Variants in B9D2 observed in about 807,000 individuals in gnomAD.
B9D2 encodes B9 domain-containing protein 2.
B9D2 carries 21 observed loss-of-function variants against 19.2 expected under a neutral mutation model. The observed-to-expected ratio is 1.09, with a 90% CI of 0.78 to 1.58. The LOEUF (loss-of-function observed/expected upper bound fraction) is 1.58, where lower values mean the gene tolerates loss of function less well. Among genes scored for constraint, B9D2 ranks in the 40% most tolerant of loss-of-function variants. B9D2 has a pLI of 0.00. For missense variants in B9D2, 221 were observed against 244.3 expected, an observed-to-expected ratio of 0.90 and a Z score of 0.64; for synonymous variants, 91 against 100.6, an observed-to-expected ratio of 0.90 and a Z score of 0.57.
chr19:41,357,792 G>A (rs1050943988), intron 3 of B9D2, 105 bp downstream of exon 3: 6 of 1,520,454 alleles, frequency 3.9e-6, no homozygotes, highest in Non-Finnish European at 5.4e-6. Flanking sequence ...GGACCTACGT[G>A]GTATGGGGAG....
chr19:41,358,018 C>A lies in B9D2; in HGVS notation c.93G>T (p.Ala31=), dbSNP rs142424836. The change falls in exon 3 of 4, where the codon GCG becomes GCT. Residue 31 remains alanine (A), a synonymous_variant. Transcript: ENST00000243578. ...LFCKWGIHTG[A]AWKLLSGVRE... is the part of the protein sequence containing the mutation. ...GCACGCCTGACAGGAGCTTCCATGC[C>A]GCCCCTGCAGTGAGAGCCGGGACAT... is the stretch of plus-strand genomic sequence containing the variant. 3 of 1,614,060 alleles carry A rather than the reference C, an allele frequency of 1.9e-6. No homozygotes were observed. The South Asian group carries it at 3.3e-5, about 18-fold the overall frequency.
intron 2 of B9D2, among the ~76,000 whole-genome samples, chr19:41,359,052 C>T (rs992922264): frequency 5.3e-5 from 8 of 151,546 alleles, no homozygotes; most frequent in African/African-American, 1.5e-4. Context: ...GGCTGAGGCA[C>T]GAGAATCGCT....
intron 3 of B9D2, among the ~76,000 whole-genome samples, chr19:41,356,114 T>C (rs2038309707): frequency 1.3e-5 from 2 of 152,090 alleles, no homozygotes; most frequent in African/African-American, 4.8e-5. Flanking sequence ...TGATGCATGC[T>C]AAGACTATGG....
intron 3 of B9D2, 88 bp from the exon 4 acceptor site, chr19:41,355,101 C>T (rs2038291173): frequency 7.7e-7 from 1 of 1,291,168 alleles, no homozygotes; most frequent in South Asian, 1.5e-5. Context: ...CACTGGAGAC[C>T]CCAGGCCCAG....
At chr19:41,363,936 G>C in intron 1 of B9D2, 22 bp downstream of exon 1, 5 of 360,446 alleles carry the variant, frequency 1.4e-5, no homozygotes, top group Non-Finnish European at 2.6e-5. Context: ...GCCTCTAAGC[G>C]CAGCGCATGC....
Position 41,357,932 on chromosome 19 carries a change from G to A in B9D2, c.179C>T (p.Pro60Leu). 2 of 1,614,138 alleles carry A rather than the reference G, an allele frequency of 1.2e-6. No homozygotes were observed. The highest frequency in any genetic ancestry group is 1.7e-6 in the Non-Finnish European group (2 of 1,180,026). The change falls in exon 3 of 4, where the codon CCC becomes CTC. Residue 60 changes from proline (P) to leucine (L), a missense_variant. Pro to Leu is a moderately conservative substitution (Grantham distance 98). Transcript: ENST00000243578. Reference protein sequence around the residue: ...QIGDMAYWSHPIDLHFATKGL... With the variant: ...QIGDMAYWSHLIDLHFATKGL... ...TTTGGTGGCGAAGTGCAGGTCGATG[G>A]GGTGGGACCAGTAAGCCATGTCCCC...
chr19:41,363,633 C>A, intron 1 of B9D2, 110 bp from the exon 2 acceptor site: 1 of 976,136 alleles, frequency 1.0e-6, no homozygotes, highest in South Asian at 1.4e-5. Context: ...GGATTCCAAG[C>A]TAGCTTCGTC....
rs747933592 is a variant in B9D2 at position 41,358,029 on chromosome 19, T to C, written c.89-7A>G. On this transcript the variant is annotated splice_polypyrimidine_tract_variant and splice_region_variant and intron_variant, in intron 2 of 3. Coordinates refer to ENST00000243578, the MANE Select transcript of B9D2 (RefSeq NM_030578.4). ...AGGAGCTTCCATGCCGCCCCTGCAG[T>C]GAGAGCCGGGACATAGAGGGGTGGG... 6.2e-7 allele frequency: 1 copy of C among 1,613,896 alleles called. No homozygotes were observed. The highest frequency in any genetic ancestry group is 1.7e-5 in the Admixed American group (1 of 59,994).
chr19:41,358,052 G>A, intron 2 of B9D2, 30 bp from the exon 3 acceptor site: 3 of 1,613,730 alleles, frequency 1.9e-6, no homozygotes, highest in Non-Finnish European at 2.5e-6. Context: ...ATAGAGGGGT[G>A]GGAGGCAGCC....
Position 41,359,364 on chromosome 19 carries a change from C to T in B9D2, c.89-1342G>A, listed in dbSNP as rs562150298. On this transcript the variant is annotated intron_variant, in intron 2 of 3. Coordinates refer to ENST00000243578, the MANE Select transcript of B9D2 (RefSeq NM_030578.4). ...GGTGGATCACTTGAGGTCAGGGGTT[C>T]GAGACCAGCCTGGCCAAAATGGTAA... Among the ~76,000 whole-genome samples, 32 of 151,990 alleles carry T rather than the reference C, an allele frequency of 2.1e-4. 1 individual carries two copies. Among genetic ancestry groups the T allele is most frequent in the Admixed American group, 1.9e-3 (29 of 15,242 alleles).
intron 2 of B9D2, among the ~76,000 whole-genome samples, chr19:41,359,763 A>C (rs1478891787): frequency 6.6e-6 from 1 of 152,136 alleles, no homozygotes; most frequent in African/African-American, 2.4e-5. Context: ...CCCAGATGCT[A>C]TGCTAAGTAC....
intron 2 of B9D2, among the ~76,000 whole-genome samples, chr19:41,361,603 C>T (rs1334433678): frequency 6.7e-6 from 1 of 149,238 alleles, no homozygotes; most frequent in Non-Finnish European, 1.5e-5. Flanking sequence ...GCCTGGCCGA[C>T]ATGGTGAAAC....
In B9D2 at chr19:41,363,816, C is replaced by T. The variant is rs2038457342; in HGVS notation, c.-5+142G>A. The T allele has an allele frequency of 7.4e-6, 4 of 542,196 alleles. No individual in the cohort carries two copies. The South Asian group carries it at 8.4e-5, about 11-fold the overall frequency. 33.6% of individuals were successfully genotyped at this position (542,196 alleles called of 1,614,324 possible). ...CCCGCCCGAAGGGGCTATGGCTCCG[C>T]CCACGAGCGCAAAAGACCCGCCTTC... is the stretch of plus-strand genomic sequence containing the variant. On this transcript the variant is annotated intron_variant, in intron 1 of 3. Transcript: ENST00000243578.
intron 2 of B9D2, among the ~76,000 whole-genome samples, chr19:41,358,735 G>A (rs2038355738): frequency 6.6e-6 from 1 of 152,186 alleles, no homozygotes; most frequent in African/African-American, 2.4e-5. Flanking sequence ...GTAGGATACA[G>A]TGGCTCACAC....
rs543255475 is a variant in B9D2, at chr19:41,363,806, T to C, written c.-5+152A>G. Among the ~76,000 whole-genome samples the C allele has an allele frequency of 4.6e-5, 7 of 152,324 alleles. No homozygotes were observed. In the East Asian group the frequency reaches 1.3e-3, roughly 29 times the overall value. On this transcript the variant is annotated intron_variant, in intron 1 of 3. Transcript: ENST00000243578. The stretch of plus-strand genomic sequence containing the variant: ...GGCGGAAAGCCCCGCCCGAAGGGGC[T>C]ATGGCTCCGCCCACGAGCGCAAAAG...
intron 2 of B9D2, among the ~76,000 whole-genome samples, chr19:41,362,742 T>C (rs1413099044): frequency 1.3e-5 from 2 of 152,198 alleles, no homozygotes; most frequent in Non-Finnish European, 2.9e-5. Flanking sequence ...ACCCAGGCAG[T>C]CTGTGCTCTT....
Position 41,363,418 on chromosome 19 carries a change from G to T in B9D2, c.88+14C>A, listed in dbSNP as rs772333619. The T allele has an allele frequency of 1.9e-6, 3 of 1,613,612 alleles. No homozygotes were observed. Among genetic ancestry groups the T allele is most frequent in the Non-Finnish European group, 1.7e-6 (2 of 1,179,574 alleles). On this transcript the variant is annotated intron_variant, in intron 2 of 3. Transcript: ENST00000243578. ...GGGTCTTGGTGTGGAAATGAACCAG[G>T]CTTGGGGGAATACCTGTGTGAATGC...
rs139520227 is a variant in B9D2 at position 41,357,970 on chromosome 19, G to A, written c.141C>T (p.Asp47=). ...SGVREGQTQV[D]TPQIGDMAYW... Reference sequence around the variant, plus strand: ...AAGCCATGTCCCCTATCTGCGGGGTGTCCACTTGCGTTTGGCCCTCCCGCA... The same window carrying A: ...AAGCCATGTCCCCTATCTGCGGGGTATCCACTTGCGTTTGGCCCTCCCGCA... Residue 47 remains aspartate, a synonymous_variant, in exon 3 of 4, where the codon GAC becomes GAT. Coordinates refer to ENST00000243578, the MANE Select transcript of B9D2 (RefSeq NM_030578.4). 3 of 1,614,000 alleles carry A rather than the reference G, an allele frequency of 1.9e-6. No homozygotes were observed. The highest frequency in any genetic ancestry group is 1.3e-5 in the African/African-American group (1 of 74,910).
At chr19:41,361,557 G>A (rs1568485713) in intron 2 of B9D2, among the ~76,000 whole-genome samples, 8 of 149,068 alleles carry the variant, frequency 5.4e-5, no homozygotes, top group Non-Finnish European at 8.9e-5. Flanking sequence ...GAAGGCCTAC[G>A]CAGGCGGATC....
Sources: allele counts gnomAD v4.1 joint callset (sites outside exome capture counted in the v4.1 genomes callset), GRCh38; gene constraint gnomAD v4.1.1; transcripts MANE v1.5; gene names NCBI Gene and HGNC (gene_info 2026-07-23, HGNC 2026-07-21).